Variants in METTL3 observed in about 807,000 individuals in gnomAD.
The protein encoded by METTL3 is N(6)-adenosine-methyltransferase catalytic subunit METTL3.
A neutral mutation model predicts 64.3 loss-of-function variants in METTL3; 42 were observed. The ratio of observed to expected loss-of-function variants is 0.65; its 90% CI spans 0.51 to 0.84. METTL3 has a LOEUF of 0.84. Among genes scored for constraint, METTL3 ranks in the 40% least tolerant of loss-of-function variants. METTL3 has a pLI of 0.00. For synonymous variants in METTL3, 256 were observed against 263.6 expected (o/e 0.97, Z 0.28); for missense variants, 435 against 722.3 (o/e 0.60, Z 4.56).
chr14:21,503,742 C>A lies in METTL3; in HGVS notation c.240G>T (p.Lys80Asn), dbSNP rs1455570975. The A allele has an allele frequency of 3.7e-6, 6 of 1,614,102 alleles. No individual in the cohort carries two copies. The highest frequency in any genetic ancestry group is 2.2e-5 in the East Asian group (1 of 44,894). ...GATCAGAGAGGTGGTGTAGCAACTT[C>A]TTCTCTAACTCAGGATCTGTAGCTA... is the stretch of plus-strand genomic sequence containing the variant. Reference protein sequence around the residue: ...PELATDPELEKKLLHHLSDLA... With the variant: ...PELATDPELENKLLHHLSDLA... The change falls in exon 2 of 11, where the codon AAG becomes AAT. Residue 80 changes from lysine (K) to asparagine (N), a missense_variant. Physicochemically the swap from Lys to Asn is moderately conservative, Grantham distance 94 (BLOSUM62 0). This residue lies in a region of METTL3 where 228 missense variants were observed against 279.6 expected (regional missense o/e 0.82). Coordinates refer to ENST00000298717, the MANE Select transcript of METTL3 (RefSeq NM_019852.5).
At chr14:21,509,254 C>T (rs1891773088) in intron 1 of METTL3, among the ~76,000 whole-genome samples, 2 of 152,130 alleles carry the variant, frequency 1.3e-5, no homozygotes, top group Non-Finnish European at 2.9e-5. Flanking sequence ...GTGGGAGGAT[C>T]GCTGGAGCCC....
intron 1 of METTL3, 134 bp downstream of exon 1, chr14:21,510,990 G>T: frequency 1.0e-6 from 1 of 994,946 alleles, no homozygotes; most frequent in Non-Finnish European, 1.4e-6. Context: ...GCTGAAGGTG[G>T]AGAGGGAGTA....
chr14:21,500,834 T>C (rs1267286711), intron 5 of METTL3, 79 bp downstream of exon 5: 5 of 1,466,940 alleles, frequency 3.4e-6, no homozygotes, highest in Middle Eastern at 1.8e-4. Context: ...TGAATTATGC[T>C]CTGCTTTCTT....
intron 1 of METTL3, among the ~76,000 whole-genome samples, chr14:21,508,480 G>A (rs906627617): frequency 2.0e-5 from 3 of 152,206 alleles, no homozygotes; most frequent in Non-Finnish European, 4.4e-5. Context: ...GCATACAGCA[G>A]AAAGTTTGGT....
chr14:21,503,031 A>T (rs745810371), intron 3 of METTL3, 142 bp downstream of exon 3: 23 of 914,054 alleles, frequency 2.5e-5, no homozygotes, highest in Non-Finnish European at 3.5e-5. Flanking sequence ...ACATTACCAG[A>T]TCCCCTGGGA....
rs1891819344 is a variant in METTL3 at position 21,510,922 on chromosome 14, A to C, written c.100+202T>G. 3 of 569,900 alleles carry C rather than the reference A, an allele frequency of 5.3e-6. No homozygotes were observed. The South Asian group carries it at 6.6e-5, about 13-fold the overall frequency. The allele number at this position is 569,900 out of a possible 1,614,324, so 35.3% of individuals were successfully genotyped here. ...CGTCCGGTAAAAGTGAGCTGGAAGA[A>C]CCGAGGCCCAGCGTGAGGAGGAACC... On this transcript the variant is annotated intron_variant, in intron 1 of 10. Transcript: ENST00000298717.
intron 1 of METTL3, chr14:21,504,225 T>C (rs1891642663): frequency 4.9e-5 from 13 of 266,610 alleles, no homozygotes; most frequent in South Asian, 4.6e-4. Flanking sequence ...GACAGGAATA[T>C]ACTCAACAAC....
chr14:21,506,599 A>C lies in METTL3; in HGVS notation c.101-2718T>G, dbSNP rs976183443. Among the ~76,000 whole-genome samples, 4 of 152,238 alleles carry C rather than the reference A, an allele frequency of 2.6e-5. No homozygotes were observed. In the East Asian group the frequency reaches 7.7e-4, roughly 29 times the overall value. On this transcript the variant is annotated intron_variant, in intron 1 of 10. Coordinates refer to ENST00000298717, the MANE Select transcript of METTL3 (RefSeq NM_019852.5). ...AGAATTAAAGCAGGGTCTCAAAGAGATATTCATACACCCAGGTTCATAGCA... is the reference window on the plus strand; with the variant it reads ...AGAATTAAAGCAGGGTCTCAAAGAGCTATTCATACACCCAGGTTCATAGCA...
Position 21,499,327 on chromosome 14 carries a change from A to G in METTL3, c.1497T>C (p.Asp499=), listed in dbSNP as rs755054613. Residue 499 remains aspartate (D), a synonymous_variant, in exon 9 of 11, where the codon GAT becomes GAC. Transcript: ENST00000298717. The part of the protein sequence containing the change: ...GNPQGFNQGL[D]CDVIVAEVRS... Reference sequence around the variant, plus strand: ...ATACCTCAGCTACGATCACATCACAATCCAGACCCTGGTTGAAGCCTTGGG... The same window carrying G: ...ATACCTCAGCTACGATCACATCACAGTCCAGACCCTGGTTGAAGCCTTGGG... The G allele has an allele frequency of 3.7e-5, 59 of 1,614,104 alleles. 2 individuals carry two copies. In the South Asian group the frequency reaches 6.0e-4, roughly 17 times the overall value.
At position 21,503,366 on chromosome 14, in the gene METTL3, T is replaced by G; in HGVS notation, c.530A>C (p.Lys177Thr). 1 of 1,614,172 alleles carries G rather than the reference T, an allele frequency of 6.2e-7. No homozygotes were observed. The highest frequency in any genetic ancestry group is 1.1e-5 in the South Asian group (1 of 91,086). The change falls in exon 3 of 11, where the codon AAG becomes ACG. Residue 177 changes from lysine (K) to threonine (T), a missense_variant. This residue lies in a region of METTL3 where 228 missense variants were observed against 279.6 expected (regional missense o/e 0.82). Coordinates refer to ENST00000298717, the MANE Select transcript of METTL3 (RefSeq NM_019852.5). ...GEVAGTVTGQKRRAEQDSTTV... is the reference protein window; with the variant it reads ...GEVAGTVTGQTRRAEQDSTTV... The stretch of plus-strand genomic sequence containing the variant: ...AGTCGAGTCCTGTTCTGCACGCCGC[T>G]TCTGCCCTGTGACAGTCCCTGCTAC...
chr14:21,499,057 TAACTC>T lies in METTL3; in HGVS notation c.1594_1598del (p.Glu532IlefsTer43), dbSNP rs1891487220. The T allele has an allele frequency of 1.9e-6, 3 of 1,614,174 alleles. No individual in the cohort carries two copies. Among genetic ancestry groups the T allele is most frequent in the Non-Finnish European group, 2.5e-6 (3 of 1,180,000 alleles). ...GTTGCACATTGTGTGGTCGTCCAAA[TAACTC>T]AATCTTGCGAGTGCCAGGAGATAGT... On this transcript the variant is annotated frameshift_variant, in exon 10 of 11. Coordinates refer to ENST00000298717, the MANE Select transcript of METTL3 (RefSeq NM_019852.5). LOFTEE classifies it high-confidence loss of function.
At chr14:21,501,527 AAAT>A in intron 4 of METTL3, 198 bp downstream of exon 4, 2 of 679,826 alleles carry the variant, frequency 2.9e-6, no homozygotes, top group Non-Finnish European at 4.8e-6. Flanking sequence ...TTTAAAAAAA[AAAT>A]CTCAGTTATT....
In METTL3 at chr14:21,499,673, C is replaced by T. The variant is rs577897694; in HGVS notation, c.1344-73G>A. The T allele has an allele frequency of 2.7e-5, 43 of 1,580,298 alleles. 1 individual carries two copies. In the South Asian group the frequency reaches 4.3e-4, roughly 16 times the overall value. ...TTAGGGGTAGTACCATTTATAGAAG[C>T]AAGGAATCACAGAATAGTCTGGGAG... is the stretch of plus-strand genomic sequence containing the variant. On this transcript the variant is annotated intron_variant, in intron 7 of 10. Coordinates refer to ENST00000298717, the MANE Select transcript of METTL3 (RefSeq NM_019852.5).
At chr14:21,501,488 T>C in intron 4 of METTL3, 1 of 581,716 alleles carries the variant, frequency 1.7e-6, no homozygotes, top group Non-Finnish European at 3.0e-6. Flanking sequence ...GAGACAGACA[T>C]ACTTTGCTAT....
chr14:21,507,135 G>A (rs528210573), intron 1 of METTL3, among the ~76,000 whole-genome samples: 32 of 151,200 alleles, frequency 2.1e-4, no homozygotes, highest in Non-Finnish European at 4.1e-4. Flanking sequence ...GAGGTGAGAT[G>A]GCACCACTGC....
chr14:21,502,011 A>ATTT, intron 3 of METTL3, 108 bp from the exon 4 acceptor site: 2 of 725,558 alleles, frequency 2.8e-6, no homozygotes, highest in South Asian at 4.1e-5. Flanking sequence ...AGATAAATCA[A>ATTT]CTTTTTTTTT....
chr14:21,508,719 A>AC (rs1201789753), intron 1 of METTL3, among the ~76,000 whole-genome samples: 3 of 151,946 alleles, frequency 2.0e-5, no homozygotes, highest in Admixed American at 2.0e-4. Context: ...ACATGGAGAA[A>AC]CCCCGTCTCT....
chr14:21,502,012 CTTTTTTTTT>C (rs75402343), intron 3 of METTL3, 109 bp from the exon 4 acceptor site: 2 of 458,396 alleles, frequency 4.4e-6, no homozygotes, highest in African/African-American at 2.4e-5. Context: ...GATAAATCAA[CTTTTTTTTT>C]TTTTTTTTTT....
At position 21,498,262 on chromosome 14, in the gene METTL3, A is replaced by C. The variant is rs1349275390; in HGVS notation, c.1739T>G (p.Leu580Ter). 2 of 1,571,618 alleles carry C rather than the reference A, an allele frequency of 1.3e-6. No homozygotes were observed. The highest frequency in any genetic ancestry group is 8.8e-7 in the Non-Finnish European group (1 of 1,141,168). Residue 580 changes from leucine to a stop codon, truncating the protein, a stop_gained, in exon 11 of 11, where the codon TTA (leucine) becomes TGA (stop). Transcript: ENST00000298717. LOFTEE classifies it high-confidence loss of function. The part of the protein sequence containing the change: ...PDGIISKPKN[L>*] ...TAGCTCTGTAAGGAAGTGCTTCTAT[A>C]AATTCTTAGGTTTAGAGATGATACC...
Sources: gnomAD v4.1 joint callset for allele counts (sites outside exome capture counted in the v4.1 genomes callset) on GRCh38, gnomAD v4.1.1 for gene constraint, gnomAD v4.1.1 regional missense constraint, MANE v1.5 for transcripts, NCBI Gene and HGNC (gene_info 2026-07-23, HGNC 2026-07-21) for gene names.